Variants in ZNF438 observed in about 807,000 individuals in gnomAD.
The protein encoded by ZNF438 is zinc finger protein 438.
In ZNF438, 25 loss-of-function variants were observed where a neutral mutation model predicts 38.0. The observed-to-expected ratio is 0.66, with a 90% CI of 0.48 to 0.92. The LOEUF is 0.92. ZNF438 is among the 40% of genes least tolerant of loss of function. ZNF438 has a pLI of 0.00. For missense variants in ZNF438, 1,007 were observed against 999.6 expected, an observed-to-expected ratio of 1.01 and a Z score of -0.10; for synonymous variants, 372 against 364.1, an observed-to-expected ratio of 1.02 and a Z score of -0.25.
At chr10:30,917,920 C>T (rs537264648) in intron 2 of ZNF438, among the ~76,000 whole-genome samples, 3 of 152,148 alleles carry the variant, frequency 2.0e-5, no homozygotes, top group Admixed American at 6.5e-5. Flanking sequence ...TTCTTAAATT[C>T]GTATGGCTTT....
chr10:30,930,646 C>T (rs1427260801), intron 2 of ZNF438, among the ~76,000 whole-genome samples: 3 of 151,094 alleles, frequency 2.0e-5, no homozygotes, highest in Non-Finnish European at 3.0e-5. Context: ...AAAATACACA[C>T]ACACACAAAA....
Position 30,885,659 on chromosome 10 carries a change from G to A in ZNF438, c.-31-8594C>T, listed in dbSNP as rs1341261139. Among the ~76,000 whole-genome samples the A allele has an allele frequency of 3.3e-5, 5 of 152,286 alleles. No individual in the cohort carries two copies. In the East Asian group the frequency reaches 9.6e-4, roughly 29 times the overall value. On this transcript the variant is annotated intron_variant, in intron 3 of 5. Transcript: ENST00000413025. ...ATATACACTCCTCATGCTCTCCTGA[G>A]TGCAGCTTCTCCCTCTCCCTCTGCC...
rs529450655 is a variant in ZNF438 at position 30,850,076 on chromosome 10, C to G, written c.329G>C (p.Arg110Thr). 3 of 1,613,910 alleles carry G rather than the reference C, an allele frequency of 1.9e-6. No homozygotes were observed. The highest frequency in any genetic ancestry group is 3.3e-5 in the Admixed American group (2 of 59,990). The stretch of plus-strand genomic sequence containing the variant: ...TTTCAGGTTTTCAGGTAGGGACATT[C>G]TGGGTTTCTGAATTGGCTGAGCTGA... Residue 110 changes from arginine (R) to threonine (T), a missense_variant, in exon 5 of 6, where the codon AGA becomes ACA. Coordinates refer to ENST00000413025, the Ensembl canonical transcript of ZNF438.
rs183518388 is a variant in ZNF438, at chr10:30,859,338, A to G, written c.38-8971T>C. On this transcript the variant is annotated intron_variant, in intron 4 of 5. Coordinates refer to ENST00000413025, the Ensembl canonical transcript of ZNF438. ...AGCAATCCACCTGCCTCAGCCTCCC[A>G]AAGTGCTGTGATTACAGGCGTGAGC... 2.7e-3 allele frequency among the ~76,000 whole-genome samples: 405 copies of G among 152,232 alleles called. 3 individuals carry two copies. The highest frequency in any genetic ancestry group is 2.9e-3 in the Non-Finnish European group (197 of 68,014).
intron 1 of ZNF438, among the ~76,000 whole-genome samples, chr10:31,014,809 T>C (rs368364786): frequency 1.3e-5 from 2 of 152,078 alleles, no homozygotes; most frequent in African/African-American, 4.8e-5. Context: ...AAATATGTCA[T>C]TCTTACTGTT....
At chr10:30,904,892 C>T (rs1416952224) in intron 3 of ZNF438, among the ~76,000 whole-genome samples, 1 of 152,174 alleles carries the variant, frequency 6.6e-6, no homozygotes, top group Non-Finnish European at 1.5e-5. Context: ...GTTCAGATAT[C>T]CCTGTTAATA....
chr10:31,018,228 C>CA (rs2056346627), intron 1 of ZNF438, among the ~76,000 whole-genome samples: 1 of 152,234 alleles, frequency 6.6e-6, no homozygotes, highest in African/African-American at 2.4e-5. Context: ...ACTGGCCTCT[C>CA]AGTCAATTCA....
intron 3 of ZNF438, among the ~76,000 whole-genome samples, chr10:30,900,487 C>T (rs1222809765): frequency 6.6e-6 from 1 of 152,182 alleles, no homozygotes; most frequent in Non-Finnish European, 1.5e-5. Flanking sequence ...ATTGGTACAA[C>T]AGCAGCAGCA....
intron 3 of ZNF438, among the ~76,000 whole-genome samples, chr10:30,897,790 G>C (rs940732552): frequency 6.6e-6 from 1 of 152,202 alleles, no homozygotes; most frequent in Non-Finnish European, 1.5e-5. Flanking sequence ...GAGGACATGT[G>C]GGGGCAGTGC....
intron 1 of ZNF438, among the ~76,000 whole-genome samples, chr10:30,981,330 T>C (rs1366407309): frequency 2.6e-5 from 4 of 152,164 alleles, no homozygotes; most frequent in African/African-American, 9.7e-5. Context: ...TATTCTTACC[T>C]AGAAAAGCTG....
intron 3 of ZNF438, among the ~76,000 whole-genome samples, chr10:30,883,925 GGTTCA>G (rs1197826043): frequency 6.6e-6 from 1 of 151,906 alleles, no homozygotes; most frequent in Non-Finnish European, 1.5e-5. Flanking sequence ...AGATCAGTAT[GGTTCA>G]GTTATTTTTT....
intron 1 of ZNF438, among the ~76,000 whole-genome samples, chr10:30,965,588 AAAATC>A (rs1275364843): frequency 1.3e-5 from 2 of 152,228 alleles, no homozygotes; most frequent in African/African-American, 4.8e-5. Context: ...ATAAAAAAAT[AAAATC>A]ATGTCCTTGG....
rs1182135701 is a variant in ZNF438, at chr10:30,877,024, GA to G, written c.10del (p.Ser4LeufsTer43). ...TTCATCTTTTGGTGGTACTGATACA[GA>G]ATTCTGCATTATGATGTACTGGACT... On this transcript the variant is annotated frameshift_variant, in exon 4 of 6. Coordinates refer to ENST00000413025, the Ensembl canonical transcript of ZNF438. LOFTEE classifies it high-confidence loss of function. 6.2e-7 allele frequency: 1 copy of G among 1,605,612 alleles called. No homozygotes were observed. The highest frequency in any genetic ancestry group is 8.5e-7 in the Non-Finnish European group (1 of 1,176,030).
At position 30,933,989 on chromosome 10, in the gene ZNF438, A is replaced by G. The variant is rs2045962073; in HGVS notation, c.-115+7586T>C. Among the ~76,000 whole-genome samples, 4 of 152,048 alleles carry G rather than the reference A, an allele frequency of 2.6e-5. No homozygotes were observed. The South Asian group carries it at 6.2e-4, about 24-fold the overall frequency. On this transcript the variant is annotated intron_variant, in intron 2 of 5. Transcript: ENST00000413025. ...GTGAAACCCCGTCTCTACTAAAAAT[A>G]CAAAAAATTAGCCGGGTGTGGTGGC...
chr10:30,913,340 G>C (rs1165632124), intron 2 of ZNF438, among the ~76,000 whole-genome samples: 2 of 151,800 alleles, frequency 1.3e-5, no homozygotes, highest in Non-Finnish European at 2.9e-5. Flanking sequence ...TTCTCCACTT[G>C]GCTTGATTCC....
At chr10:30,935,736 C>A (rs1165311597) in intron 2 of ZNF438, among the ~76,000 whole-genome samples, 1 of 152,178 alleles carries the variant, frequency 6.6e-6, no homozygotes, top group Non-Finnish European at 1.5e-5. Context: ...AACTTACAAT[C>A]ATGGCAAAAG....
intron 1 of ZNF438, among the ~76,000 whole-genome samples, chr10:30,956,591 C>G (rs1189752919): frequency 6.6e-6 from 1 of 152,174 alleles, no homozygotes; most frequent in Non-Finnish European, 1.5e-5. Context: ...GTGGTAACCA[C>G]TATTCTACTT....
chr10:30,872,749 CAAAA>C (rs10633045), intron 4 of ZNF438, among the ~76,000 whole-genome samples: 1 of 88,836 alleles, frequency 1.1e-5, no homozygotes. Context: ...GACTCTGTCT[CAAAA>C]AAAAAAAAAA....
At chr10:30,859,835 G>A (rs1413711431) in intron 4 of ZNF438, among the ~76,000 whole-genome samples, 1 of 152,168 alleles carries the variant, frequency 6.6e-6, no homozygotes, top group Admixed American at 6.5e-5. Flanking sequence ...TGAATGATCA[G>A]CATATGGAAG....
Sources: gnomAD v4.1 joint callset for allele counts (sites outside exome capture counted in the v4.1 genomes callset) on GRCh38, gnomAD v4.1.1 for gene constraint, MANE v1.5 for transcripts, NCBI Gene and HGNC (gene_info 2026-07-23, HGNC 2026-07-21) for gene names.